RIMS2: variants seen among roughly 807,000 people sequenced by gnomAD.
The protein encoded by RIMS2 is regulating synaptic membrane exocytosis 2, also known as regulating synaptic membrane exocytosis protein 2.
In RIMS2, 59 loss-of-function variants were observed where a neutral mutation model predicts 174.4. That is an observed-to-expected ratio of 0.34 (90% CI 0.27 to 0.42). The LOEUF (loss-of-function observed/expected upper bound fraction) is 0.42. RIMS2 is among the 10% of genes least tolerant of loss of function. RIMS2 has a pLI of 1.00. For synonymous variants in RIMS2, 606 were observed against 572.5 expected (o/e 1.06, Z -0.84); for missense variants, 1,620 against 1,666.3 (o/e 0.97, Z 0.48).
intron 2 of RIMS2, among the ~76,000 whole-genome samples, chr8:103,748,380 G>A (rs1175424909): frequency 2.6e-5 from 4 of 152,082 alleles, no homozygotes; most frequent in African/African-American, 4.8e-5. Context: ...AGGAAGTTGC[G>A]GCTGCACGAG....
At chr8:103,561,604 C>A (rs953333572) in intron 1 of RIMS2, among the ~76,000 whole-genome samples, 6 of 152,128 alleles carry the variant, frequency 3.9e-5, no homozygotes, top group African/African-American at 1.4e-4. Flanking sequence ...TCAGCAACAT[C>A]AAAACTAGAG....
chr8:104,163,444 G>A (rs572332239), intron 19 of RIMS2, among the ~76,000 whole-genome samples: 6 of 152,234 alleles, frequency 3.9e-5, no homozygotes, highest in Non-Finnish European at 5.9e-5. Context: ...TCAACATTAC[G>A]AAGCTTGCCT....
chr8:103,898,740 A>T (rs2099308699), intron 4 of RIMS2, among the ~76,000 whole-genome samples: 1 of 151,184 alleles, frequency 6.6e-6, no homozygotes, highest in South Asian at 2.1e-4. Flanking sequence ...TTTTATTATT[A>T]TACTTTAAGT....
chr8:103,739,387 A>G (rs2097730590), intron 2 of RIMS2, among the ~76,000 whole-genome samples: 2 of 152,086 alleles, frequency 1.3e-5, no homozygotes, highest in African/African-American at 2.4e-5. Context: ...CGTAGGGTAG[A>G]GGGAAGGGGG....
intron 3 of RIMS2, among the ~76,000 whole-genome samples, chr8:103,804,291 A>C (rs1324255336): frequency 6.6e-6 from 1 of 152,168 alleles, no homozygotes; most frequent in East Asian, 1.9e-4. Flanking sequence ...AAGGCAAATA[A>C]CATTTTAGTA....
chr8:104,003,643 A>G (rs2095471482), intron 17 of RIMS2, among the ~76,000 whole-genome samples: 1 of 152,082 alleles, frequency 6.6e-6, no homozygotes, highest in African/African-American at 2.4e-5. Flanking sequence ...CGAACTCCTG[A>G]CCTCAGGTGA....
intron 3 of RIMS2, among the ~76,000 whole-genome samples, chr8:103,789,860 C>T (rs1473613273): frequency 1.4e-5 from 2 of 144,916 alleles, no homozygotes; most frequent in African/African-American, 2.6e-5. Context: ...TGTAGCAATT[C>T]TTCCTCCTCA....
intron 2 of RIMS2, among the ~76,000 whole-genome samples, chr8:103,756,154 G>A (rs2097999623): frequency 1.3e-5 from 2 of 152,214 alleles, no homozygotes; most frequent in African/African-American, 4.8e-5. Flanking sequence ...ACTCCTTTCT[G>A]TTTGTTAGTT....
chr8:104,188,265 AGATAGATGGATG>A (rs1450441226), intron 19 of RIMS2, among the ~76,000 whole-genome samples: 11 of 145,948 alleles, frequency 7.5e-5, no homozygotes, highest in African/African-American at 2.9e-4. Context: ...ATAGATAGAT[AGATAGATGGATG>A]AAGTATAAAA....
At chr8:104,238,372 G>T (rs1010348550) in intron 19 of RIMS2, among the ~76,000 whole-genome samples, 1 of 151,864 alleles carries the variant, frequency 6.6e-6, no homozygotes, top group Non-Finnish European at 1.5e-5. Flanking sequence ...CCTAGATGAT[G>T]GGTTGATAGG....
intron 3 of RIMS2, among the ~76,000 whole-genome samples, chr8:103,800,159 A>G (rs1313026986): frequency 6.6e-6 from 1 of 152,158 alleles, no homozygotes; most frequent in Non-Finnish European, 1.5e-5. Context: ...TAATTGGGCC[A>G]CTTTTTAGCT....
chr8:103,568,795 G>T, intron 1 of RIMS2: 2 of 1,138,730 alleles, frequency 1.8e-6, no homozygotes, highest in Non-Finnish European at 1.3e-6. Flanking sequence ...TTTGCTGTTT[G>T]TGCAATCAGT....
At chr8:103,554,214 T>G (rs1849388775) in intron 1 of RIMS2, among the ~76,000 whole-genome samples, 1 of 152,084 alleles carries the variant, frequency 6.6e-6, no homozygotes, top group Non-Finnish European at 1.5e-5. Context: ...CTAAAGTACT[T>G]CTGCATAGCA....
chr8:104,236,960 G>A (rs1284910234), intron 19 of RIMS2, among the ~76,000 whole-genome samples: 1 of 152,100 alleles, frequency 6.6e-6, no homozygotes, highest in East Asian at 1.9e-4. Flanking sequence ...GGGAAAACTG[G>A]ATGTGGGGGT....
At chr8:103,536,044 A>T (rs891695777) in intron 1 of RIMS2, among the ~76,000 whole-genome samples, 1 of 152,234 alleles carries the variant, frequency 6.6e-6, no homozygotes, top group African/African-American at 2.4e-5. Flanking sequence ...GCAAAAGTAG[A>T]AGCAGCTAAT....
chr8:103,943,427 C>T (rs372310490), intron 14 of RIMS2, among the ~76,000 whole-genome samples: 1 of 152,132 alleles, frequency 6.6e-6, no homozygotes, highest in Admixed American at 6.5e-5. Context: ...TGTCTTGTGG[C>T]AGATCCTCTC....
At chr8:104,125,526 T>G (rs2098421291) in intron 19 of RIMS2, among the ~76,000 whole-genome samples, 1 of 152,160 alleles carries the variant, frequency 6.6e-6, no homozygotes, top group African/African-American at 2.4e-5. Context: ...AGAGACAAAA[T>G]TAAAGAGCTT....
intron 1 of RIMS2, among the ~76,000 whole-genome samples, chr8:103,545,420 G>A (rs1844546573): frequency 6.6e-6 from 1 of 152,168 alleles, no homozygotes; most frequent in East Asian, 1.9e-4. Context: ...CTGAAAGAGA[G>A]GAAGAGAAAG....
chr8:103,689,278 T>C (rs551747026), intron 1 of RIMS2, among the ~76,000 whole-genome samples: 1 of 152,312 alleles, frequency 6.6e-6, no homozygotes, highest in South Asian at 2.1e-4. Context: ...GCCTAACTTA[T>C]GGTCTGCCCT....
Sources: allele counts gnomAD v4.1 joint callset (sites outside exome capture counted in the v4.1 genomes callset), GRCh38; gene constraint gnomAD v4.1.1; transcripts MANE v1.5; gene names NCBI Gene and HGNC (gene_info 2026-07-23, HGNC 2026-07-21).